Variants in PCLO observed in about 807,000 individuals in gnomAD.
PCLO encodes protein piccolo.
Under a neutral mutation model 427.5 loss-of-function variants are expected in PCLO, and 82 were observed. That is an observed-to-expected ratio of 0.19 (90% CI 0.16 to 0.23). The LOEUF (loss-of-function observed/expected upper bound fraction) is 0.23. Ranked by LOEUF, PCLO falls within the 10% of genes least tolerant of loss-of-function variation. The pLI is 1.00. For synonymous variants in PCLO, 2,357 were observed against 2,155.4 expected, an observed-to-expected ratio of 1.09 and a Z score of -2.59; for missense variants, 6,239 against 6,115.9, an observed-to-expected ratio of 1.02 and a Z score of -0.67.
chr7:82,931,144 A>T (rs919234930), intron 6 of PCLO, among the ~76,000 whole-genome samples: 1 of 152,130 alleles, frequency 6.6e-6, no homozygotes. Context: ...ATATTAACTT[A>T]TTTTAAAATA....
At chr7:83,019,504 G>C (rs1176710063) in intron 3 of PCLO, among the ~76,000 whole-genome samples, 1 of 151,562 alleles carries the variant, frequency 6.6e-6, no homozygotes, top group Non-Finnish European at 1.5e-5. Context: ...GAGTATCCTG[G>C]TGGGTATATT....
chr7:83,125,054 T>G (rs1324813343), intron 3 of PCLO, among the ~76,000 whole-genome samples: 1 of 152,138 alleles, frequency 6.6e-6, no homozygotes, highest in Admixed American at 6.5e-5. Flanking sequence ...GCTTACTCAG[T>G]GCTCAATGTT....
chr7:82,942,453 T>C (rs1266684851), intron 6 of PCLO, among the ~76,000 whole-genome samples: 1 of 152,218 alleles, frequency 6.6e-6, no homozygotes, highest in Non-Finnish European at 1.5e-5. Context: ...ACAAATGATT[T>C]GATTTTTTCT....
chr7:82,814,056 A>G (rs1258387472), intron 20 of PCLO, among the ~76,000 whole-genome samples: 2 of 151,814 alleles, frequency 1.3e-5, no homozygotes, highest in Non-Finnish European at 2.9e-5. Flanking sequence ...AAGAACAAAA[A>G]ATTTTATTCT....
intron 13 of PCLO, among the ~76,000 whole-genome samples, chr7:82,843,392 G>T (rs1348752086): frequency 6.6e-6 from 1 of 151,946 alleles, no homozygotes; most frequent in African/African-American, 2.4e-5. Flanking sequence ...TAGTTACCAG[G>T]GGCTAAGAGA....
chr7:83,017,970 C>T (rs1788250372), intron 3 of PCLO: 1 of 151,908 alleles, frequency 6.6e-6, no homozygotes, highest in Admixed American at 6.6e-5. Flanking sequence ...CTGGTTAGTA[C>T]TAGGATGAGA....
intron 3 of PCLO, among the ~76,000 whole-genome samples, chr7:83,032,461 C>A (rs1788695605): frequency 1.4e-5 from 2 of 147,488 alleles, no homozygotes; most frequent in African/African-American, 5.0e-5. Flanking sequence ...TCCCTTCCCT[C>A]CCTTCCCTCC....
At chr7:82,873,686 T>C (rs948469971) in intron 10 of PCLO, among the ~76,000 whole-genome samples, 1 of 152,148 alleles carries the variant, frequency 6.6e-6, no homozygotes, top group African/African-American at 2.4e-5. Flanking sequence ...CTCCTCTGTT[T>C]TGTGTCCTCA....
intron 1 of PCLO, among the ~76,000 whole-genome samples, chr7:83,156,647 A>C (rs985742672): frequency 2.0e-5 from 3 of 151,652 alleles, no homozygotes; most frequent in Non-Finnish European, 4.4e-5. Context: ...TAAAAATTAA[A>C]ATATATAATT....
chr7:83,097,707 C>T (rs1790629690), intron 3 of PCLO, among the ~76,000 whole-genome samples: 1 of 151,264 alleles, frequency 6.6e-6, no homozygotes, highest in African/African-American at 2.4e-5. Flanking sequence ...TATTGCAACC[C>T]CCTTAAATTG....
chr7:82,896,199 TATTA>T (rs1351989098), intron 9 of PCLO, among the ~76,000 whole-genome samples: 3 of 151,836 alleles, frequency 2.0e-5, no homozygotes, highest in Admixed American at 6.6e-5. Flanking sequence ...AAAAATTACA[TATTA>T]TACATGTATA....
Position 82,953,839 on chromosome 7 carries a change from G to T in PCLO, c.7114C>A (p.Pro2372Thr). Residue 2372 changes from proline (P) to threonine (T), a missense_variant, in exon 5 of 25, where the codon CCT (proline) becomes ACT (threonine). Physicochemically the swap from Pro to Thr is conservative, Grantham distance 38 (BLOSUM62 -1). Coordinates refer to ENST00000333891, the MANE Select transcript of PCLO (RefSeq NM_033026.6). ...CTGCCAGATGGTAACTGAGATGCAG[G>T]TTTTTCCTGACCAAAGGTCTCTCCA... ...TSGETFGQEK[P>T]ASQLPSGSPS... 1 of 1,613,142 alleles carries T rather than the reference G, an allele frequency of 6.2e-7. No homozygotes were observed.
At chr7:82,838,421 T>C (rs1375645325) in intron 14 of PCLO, 79 bp from the exon 15 acceptor site, 54 of 820,252 alleles carry the variant, frequency 6.6e-5, no homozygotes, top group Non-Finnish European at 9.1e-5. Context: ...TAGTTTTTTT[T>C]AAAGAAAATT....
intron 3 of PCLO, among the ~76,000 whole-genome samples, chr7:82,980,878 T>G (rs551800004): frequency 6.6e-6 from 1 of 152,274 alleles, no homozygotes; most frequent in East Asian, 1.9e-4. Flanking sequence ...CCTGTAGATG[T>G]GCTTATCTTA....
intron 9 of PCLO, among the ~76,000 whole-genome samples, chr7:82,886,431 T>C (rs182611149): frequency 6.6e-6 from 1 of 152,282 alleles, no homozygotes; most frequent in Non-Finnish European, 1.5e-5. Flanking sequence ...CATATCTATA[T>C]AGAACAAAGT....
chr7:82,822,648 C>CAGG lies in PCLO; in HGVS notation c.14635_14637dup (p.Pro4879dup), dbSNP rs1372079282. 6.2e-7 allele frequency: 1 copy of CAGG among 1,613,694 alleles called. No individual in the cohort carries two copies. The highest frequency in any genetic ancestry group is 1.1e-5 in the South Asian group (1 of 91,080). ...CCTTCTGATGATGATTTTGAGCTACCAGGACTACTATGGGATTTCTCAATG... is the reference window on the plus strand; with the variant it reads ...CCTTCTGATGATGATTTTGAGCTACCAGGAGGACTACTATGGGATTTCTCAATG... On this transcript the variant is annotated inframe_insertion, in exon 20 of 25. Coordinates refer to ENST00000333891, the MANE Select transcript of PCLO (RefSeq NM_033026.6).
At chr7:83,038,015 A>ATTTATATATATATATATATATATATT (rs1172558831) in intron 3 of PCLO, among the ~76,000 whole-genome samples, 1 of 47,918 alleles carries the variant, frequency 2.1e-5, no homozygotes, top group African/African-American at 1.5e-4. Context: ...ATATATATAT[A>ATTTATATATATATATATATATATATT]TATATATATA....
In PCLO at chr7:83,044,851, T is replaced by C. The variant is rs565657793; in HGVS notation, c.3301-78364A>G. ...ACTATAAAATGGGGGTGTCGTGGGTTGGGAGAATGTTATTTGGCTTACTGG... is the reference window on the plus strand; with the variant it reads ...ACTATAAAATGGGGGTGTCGTGGGTCGGGAGAATGTTATTTGGCTTACTGG... On this transcript the variant is annotated intron_variant, in intron 3 of 24. Coordinates refer to ENST00000333891, the MANE Select transcript of PCLO (RefSeq NM_033026.6). Among the ~76,000 whole-genome samples, 189 of 152,226 alleles carry C rather than the reference T, an allele frequency of 1.2e-3. 1 individual carries two copies. The highest frequency in any genetic ancestry group is 1.8e-3 in the Non-Finnish European group (122 of 67,994).
chr7:83,046,303 AT>A (rs1789102489), intron 3 of PCLO, among the ~76,000 whole-genome samples: 1 of 151,922 alleles, frequency 6.6e-6, no homozygotes, highest in African/African-American at 2.4e-5. Flanking sequence ...TAACTATACC[AT>A]TTTCCTTAAT....
Sources: gnomAD v4.1 joint callset for allele counts (sites outside exome capture counted in the v4.1 genomes callset) on GRCh38, gnomAD v4.1.1 for gene constraint, MANE v1.5 for transcripts, NCBI Gene and HGNC (gene_info 2026-07-23, HGNC 2026-07-21) for gene names.